PTPRU: variants seen among roughly 807,000 people sequenced by gnomAD.
PTPRU encodes the protein protein tyrosine phosphatase receptor type U.
In PTPRU, 69 loss-of-function variants were observed where a neutral mutation model predicts 166.3. The observed-to-expected ratio is 0.41, with a 90% CI of 0.34 to 0.51. The LOEUF is 0.51. Ranked by LOEUF, PTPRU falls within the 20% of genes least tolerant of loss-of-function variation. PTPRU has a pLI of 0.09. For missense variants in PTPRU, 1,657 were observed against 2,013.7 expected, an observed-to-expected ratio of 0.82 and a Z score of 3.39; for synonymous variants, 793 against 814.0, an observed-to-expected ratio of 0.97 and a Z score of 0.44.
At position 29,257,169 on chromosome 1, in the gene PTPRU, A is replaced by C. The variant is rs1684807197; in HGVS notation, c.206-1336A>C. 6.6e-6 allele frequency among the ~76,000 whole-genome samples: 1 copy of C among 152,082 alleles called. No homozygotes were observed. Among genetic ancestry groups the C allele is most frequent in the Non-Finnish European group, 1.5e-5 (1 of 67,996 alleles). On this transcript the variant is annotated intron_variant, in intron 2 of 29. Coordinates refer to ENST00000373779, the MANE Select transcript of PTPRU (RefSeq NM_133178.4). This position sits in a 1 kb window ranked among gnomAD's most constrained non-coding sequence, Gnocchi z 4.6. Reference sequence around the variant, plus strand: ...GAGGAGGAGGAAAGAACAAAGTGTCAGATTGGAAGAGGGAGAAAGATGCAC... The same window carrying C: ...GAGGAGGAGGAAAGAACAAAGTGTCCGATTGGAAGAGGGAGAAAGATGCAC...
At chr1:29,274,343 TA>T (rs1392745248) in intron 7 of PTPRU, among the ~76,000 whole-genome samples, 3 of 152,208 alleles carry the variant, frequency 2.0e-5, no homozygotes, top group African/African-American at 7.2e-5. Context: ...CTGGTCGAGA[TA>T]AAGCATTTTA....
intron 7 of PTPRU, among the ~76,000 whole-genome samples, chr1:29,270,039 C>G (rs1202877985): frequency 6.6e-6 from 1 of 152,050 alleles, no homozygotes; most frequent in Non-Finnish European, 1.5e-5. Flanking sequence ...GTAGTTCTTC[C>G]CTTCTCCCCC....
At chr1:29,278,108 A>G (rs977692570) in intron 8 of PTPRU, among the ~76,000 whole-genome samples, 1 of 152,142 alleles carries the variant, frequency 6.6e-6, no homozygotes, top group Admixed American at 6.5e-5. Flanking sequence ...TGCGTGAGCC[A>G]CCGTGCCCAG....
chr1:29,319,326 G>A (rs1214074758), intron 25 of PTPRU, among the ~76,000 whole-genome samples: 1 of 151,838 alleles, frequency 6.6e-6, no homozygotes, highest in Non-Finnish European at 1.5e-5. Flanking sequence ...ACTGTCTGAG[G>A]GTCCTGAGCT....
chr1:29,264,692 G>T (rs1273173421), intron 7 of PTPRU, among the ~76,000 whole-genome samples: 1 of 152,098 alleles, frequency 6.6e-6, no homozygotes, highest in Admixed American at 6.6e-5. Context: ...TTTTGGTAGA[G>T]ACAGGGTTTC....
chr1:29,273,313 G>A (rs927648292), intron 7 of PTPRU, among the ~76,000 whole-genome samples: 2 of 152,146 alleles, frequency 1.3e-5, no homozygotes, highest in Admixed American at 1.3e-4. Context: ...GTGTCGCCCA[G>A]GCTGGAGTGC....
intron 14 of PTPRU, among the ~76,000 whole-genome samples, chr1:29,288,541 A>T (rs1269052675): frequency 6.6e-6 from 1 of 152,108 alleles, no homozygotes. Context: ...CAACAGCCCC[A>T]GCGCCCTAGA....
At chr1:29,259,600 T>TTTTTTTGGGGGGGGGGGGGGGGG in intron 5 of PTPRU, 36 bp downstream of exon 5, 4 of 253,670 alleles carry the variant, frequency 1.6e-5, no homozygotes, top group Non-Finnish European at 2.3e-5. Context: ...GGGGGCGGGG[T>TTTTTTTGGGGGGGGGGGGGGGGG]GGGAGGGGGT....
In PTPRU at chr1:29,284,024, T is replaced by G. The variant is rs764043991; in HGVS notation, c.2179+48T>G. 6 of 1,607,204 alleles carry G rather than the reference T, an allele frequency of 3.7e-6. No individual in the cohort carries two copies. In the East Asian group the frequency reaches 1.3e-4, roughly 36 times the overall value. Reference sequence around the variant, plus strand: ...GCCTTTCAGCGGCAGGTTTCTCACCTGCCCAGCGCTGGGGAGGTGGATCCT... The same window carrying G: ...GCCTTTCAGCGGCAGGTTTCTCACCGGCCCAGCGCTGGGGAGGTGGATCCT... On this transcript the variant is annotated intron_variant, in intron 13 of 29. Coordinates refer to ENST00000373779, the MANE Select transcript of PTPRU (RefSeq NM_133178.4).
intron 7 of PTPRU, among the ~76,000 whole-genome samples, chr1:29,268,309 C>T (rs1463552164): frequency 4.6e-5 from 7 of 152,266 alleles, no homozygotes; most frequent in South Asian, 2.1e-4. Context: ...AGATCTTTTA[C>T]GCTAATGGTT....
At chr1:29,287,064 C>A (rs1314599307) in intron 14 of PTPRU, among the ~76,000 whole-genome samples, 1 of 152,130 alleles carries the variant, frequency 6.6e-6, no homozygotes, top group Non-Finnish European at 1.5e-5. Flanking sequence ...GGGGTGCCAA[C>A]ATAACTAACA....
At chr1:29,264,843 TC>T (rs1203736014) in intron 7 of PTPRU, among the ~76,000 whole-genome samples, 1 of 152,176 alleles carries the variant, frequency 6.6e-6, no homozygotes, top group African/African-American at 2.4e-5. Flanking sequence ...TGTTGAAAAG[TC>T]TATTCTTATT....
At chr1:29,265,845 C>T (rs1409947348) in intron 7 of PTPRU, among the ~76,000 whole-genome samples, 1 of 151,896 alleles carries the variant, frequency 6.6e-6, no homozygotes, top group East Asian at 1.9e-4. Context: ...GTAAATATTT[C>T]CTCCCAGTAG....
At chr1:29,284,039 A>T (rs1358481524) in intron 13 of PTPRU, 63 bp downstream of exon 13, 12 of 1,596,268 alleles carry the variant, frequency 7.5e-6, no homozygotes, top group Non-Finnish European at 8.6e-6. Context: ...AGCGCTGGGG[A>T]GGTGGATCCT....
At chr1:29,289,740 C>A in intron 14 of PTPRU, 1 of 1,612,432 alleles carries the variant, frequency 6.2e-7, no homozygotes, top group Non-Finnish European at 8.5e-7. Flanking sequence ...GCCTGGGAGT[C>A]CCCGGCCCTG....
At chr1:29,255,484 G>A in intron 2 of PTPRU, 78 bp downstream of exon 2, 2 of 1,571,848 alleles carry the variant, frequency 1.3e-6, no homozygotes, top group Non-Finnish European at 1.7e-6. Flanking sequence ...GTGACCTTGG[G>A]CACATTACTT....
In PTPRU at chr1:29,325,343, C is replaced by T. The variant is rs763176228; in HGVS notation, c.4248+17C>T. The stretch of plus-strand genomic sequence containing the variant: ...GAGACCATGGTGAGGGGCTGTGTCC[C>T]GTGCCCAGCCACTTCCACCTTCCTG... On this transcript the variant is annotated intron_variant, in intron 29 of 29. Coordinates refer to ENST00000373779, the MANE Select transcript of PTPRU (RefSeq NM_133178.4). 2 of 1,613,064 alleles carry T rather than the reference C, an allele frequency of 1.2e-6. No individual in the cohort carries two copies. Among genetic ancestry groups the T allele is most frequent in the East Asian group, 2.2e-5 (1 of 44,896 alleles).
At chr1:29,254,935 T>C (rs1177011191) in intron 1 of PTPRU, among the ~76,000 whole-genome samples, 1 of 152,170 alleles carries the variant, frequency 6.6e-6, no homozygotes, top group Non-Finnish European at 1.5e-5. Context: ...CCTGATCTTA[T>C]GGGTTGTTGT....
At position 29,311,905 on chromosome 1, in the gene PTPRU, T is replaced by C. The variant is rs1445617853; in HGVS notation, c.3072+146T>C. ...AGGAAGCTACTTGGTCACTGTTGGCTGGGAGCACTCTAGAAGGGCAGGAAG... is the reference window on the plus strand; with the variant it reads ...AGGAAGCTACTTGGTCACTGTTGGCCGGGAGCACTCTAGAAGGGCAGGAAG... On this transcript the variant is annotated intron_variant, in intron 21 of 29. Transcript: ENST00000373779. This position sits in a 1 kb window ranked among gnomAD's most constrained non-coding sequence, Gnocchi z 4.1. 3.7e-6 allele frequency: 3 copies of C among 819,342 alleles called. No individual in the cohort carries two copies. Among genetic ancestry groups the C allele is most frequent in the Non-Finnish European group, 5.9e-6 (3 of 509,206 alleles). The allele number at this position is 819,342 out of a possible 1,614,324, so 50.8% of individuals were successfully genotyped here.
Sources: allele counts gnomAD v4.1 joint callset (sites outside exome capture counted in the v4.1 genomes callset), GRCh38; gene constraint gnomAD v4.1.1; non-coding constraint Gnocchi (gnomAD v3.1); transcripts MANE v1.5; gene names NCBI Gene and HGNC (gene_info 2026-07-23, HGNC 2026-07-21).